AK9: variants seen among roughly 807,000 people sequenced by gnomAD.
The protein encoded by AK9 is adenylate kinase domain containing 1.
In AK9, 191 loss-of-function variants were observed where a neutral mutation model predicts 239.6. That is an observed-to-expected ratio of 0.80 (90% CI 0.71 to 0.90). The LOEUF is 0.90. Among genes scored for constraint, AK9 ranks in the 40% least tolerant of loss-of-function variants. The pLI, the probability that AK9 is intolerant of heterozygous loss-of-function variation, is 0.00. For missense variants in AK9, 1,995 were observed against 2,214.7 expected (o/e 0.90, Z 1.99); for synonymous variants, 689 against 721.0 (o/e 0.96, Z 0.71).
intron 26 of AK9, among the ~76,000 whole-genome samples, 160 bp from the exon 27 acceptor site, chr6:109,542,331 G>A (rs1007020785): frequency 3.9e-5 from 6 of 152,198 alleles, no homozygotes; most frequent in Non-Finnish European, 8.8e-5. Context: ...AGGGATAGAG[G>A]ACATGAAGAG....
At chr6:109,615,221 T>C (rs979656180) in intron 13 of AK9, among the ~76,000 whole-genome samples, 2 of 151,494 alleles carry the variant, frequency 1.3e-5, no homozygotes, top group Admixed American at 6.6e-5. Flanking sequence ...GTCTGCCCCA[T>C]TACCATGTTG....
rs575586762 is a variant in AK9, at chr6:109,675,418, T to C, written c.117+211A>G. ...GATTCCATGTCTTTGCTGTTGTGAG[T>C]AGTGTTGCGATGAGCATATGTGTGC... On this transcript the variant is annotated intron_variant, in intron 2 of 40. Coordinates refer to ENST00000424296, the MANE Select transcript of AK9 (RefSeq NM_001145128.3). Among the ~76,000 whole-genome samples, 8 of 152,244 alleles carry C rather than the reference T, an allele frequency of 5.3e-5. No homozygotes were observed. In the East Asian group the frequency reaches 1.5e-3, roughly 29 times the overall value.
chr6:109,574,695 C>T (rs1351587359), intron 20 of AK9, among the ~76,000 whole-genome samples: 3 of 151,800 alleles, frequency 2.0e-5, no homozygotes, highest in Admixed American at 6.6e-5. Flanking sequence ...TTTTTAACAT[C>T]TGTCTTATCT....
chr6:109,533,442 G>A lies in AK9; in HGVS notation c.3379C>T (p.Pro1127Ser). The change falls in exon 28 of 41, where the codon CCA (proline) becomes TCA (serine). Residue 1127 changes from proline to serine, a missense_variant. By Grantham distance (74) the Pro-to-Ser change is moderately conservative. Around this residue, in one of 5 missense-constraint regions of AK9, gnomAD observed 1,290 missense variants for 1,392.7 expected, o/e 0.93. Transcript: ENST00000424296. ...RSTGFILDGF[P>S]RYPEEAQFLG... Reference sequence around the variant, plus strand: ...AACTGGGCCTCTTCTGGATATCGTGGGAAACCATCTAATATAAAACCTGTG... The same window carrying A: ...AACTGGGCCTCTTCTGGATATCGTGAGAAACCATCTAATATAAAACCTGTG... 1 of 1,602,332 alleles carries A rather than the reference G, an allele frequency of 6.2e-7. No homozygotes were observed. The highest frequency in any genetic ancestry group is 1.3e-5 in the African/African-American group (1 of 74,216).
At chr6:109,656,658 G>C in intron 8 of AK9, 98 bp downstream of exon 8, 1 of 1,335,884 alleles carries the variant, frequency 7.5e-7, no homozygotes. Flanking sequence ...GAATCAGACA[G>C]ATAATAACAC....
At position 109,655,684 on chromosome 6, in the gene AK9, T is replaced by C. The variant is rs537602898; in HGVS notation, c.759+1072A>G. 2.3e-3 allele frequency among the ~76,000 whole-genome samples: 346 copies of C among 152,332 alleles called. 2 individuals carry two copies. Among genetic ancestry groups the C allele is most frequent in the Non-Finnish European group, 2.9e-3 (194 of 68,012 alleles). On this transcript the variant is annotated intron_variant, in intron 8 of 40. Coordinates refer to ENST00000424296, the MANE Select transcript of AK9 (RefSeq NM_001145128.3). ...AACCTGGTGCTTGTTCTTAAAAAGATAACCTCTGCATTTTCCCCCCATAAA... is the reference window on the plus strand; with the variant it reads ...AACCTGGTGCTTGTTCTTAAAAAGACAACCTCTGCATTTTCCCCCCATAAA...
At chr6:109,638,816 G>C (rs765536386) in intron 10 of AK9, among the ~76,000 whole-genome samples, 1 of 151,724 alleles carries the variant, frequency 6.6e-6, no homozygotes, top group Admixed American at 6.6e-5. Flanking sequence ...CCCACCCCAC[G>C]ACAGGCCATG....
chr6:109,518,358 G>A (rs1362033678), intron 29 of AK9, among the ~76,000 whole-genome samples: 2 of 152,132 alleles, frequency 1.3e-5, no homozygotes, highest in East Asian at 3.9e-4. Flanking sequence ...TTTCTATCCT[G>A]ATATTTAATT....
chr6:109,643,624 C>A lies in AK9; in HGVS notation c.834+990G>T, dbSNP rs7755784. ...TCATCTGTACTTTCTGGCTTAAAAC[C>A]TTTCACTGGATGCCTATTCCCTCAT... On this transcript the variant is annotated intron_variant, in intron 9 of 40. Transcript: ENST00000424296. Among the ~76,000 whole-genome samples, 1,300 of 152,302 alleles carry A rather than the reference C, an allele frequency of 8.5e-3. 16 individuals carry two copies. The highest frequency in any genetic ancestry group is 0.051 in the Middle Eastern group (15 of 294).
intron 24 of AK9, among the ~76,000 whole-genome samples, chr6:109,552,193 T>C (rs1222695329): frequency 6.6e-6 from 1 of 152,180 alleles, no homozygotes; most frequent in Non-Finnish European, 1.5e-5. Flanking sequence ...TATGTGTGCT[T>C]GTGTCTATAA....
At chr6:109,646,151 C>G (rs1364428772) in intron 8 of AK9, among the ~76,000 whole-genome samples, 1 of 152,188 alleles carries the variant, frequency 6.6e-6, no homozygotes, top group Non-Finnish European at 1.5e-5. Flanking sequence ...CAGAGCAGAA[C>G]AGCTGAAAAT....
chr6:109,516,322 A>G, intron 30 of AK9, 108 bp downstream of exon 30: 1 of 1,054,612 alleles, frequency 9.5e-7, no homozygotes. Flanking sequence ...ATACAGCCCT[A>G]AAATATACAT....
At chr6:109,673,703 A>G (rs1036093099) in intron 3 of AK9, among the ~76,000 whole-genome samples, 1 of 152,158 alleles carries the variant, frequency 6.6e-6, no homozygotes, top group African/African-American at 2.4e-5. Context: ...ACCCAAACAC[A>G]CATATCCCAA....
Position 109,633,030 on chromosome 6 carries a change from G to T in AK9, c.1147C>A (p.Leu383Met). The T allele has an allele frequency of 6.3e-7, 1 of 1,594,866 alleles. No individual in the cohort carries two copies. Among genetic ancestry groups the T allele is most frequent in the African/African-American group, 1.3e-5 (1 of 74,088 alleles). ...GGTGGTCCTGGCATAGGTGGAAGCA[G>T]ATAGGGACGTGGGTTCAACAAAAAT... is the stretch of plus-strand genomic sequence containing the variant. ...KPFLLNPRPY[L>M]LPPMPGPPCK... is the part of the protein sequence containing the mutation. Residue 383 changes from leucine (L) to methionine (M), a missense_variant, in exon 12 of 41, where the codon CTG becomes ATG. This residue lies in a region of AK9 where 1,290 missense variants were observed against 1,392.7 expected (regional missense o/e 0.93). Transcript: ENST00000424296.
intron 33 of AK9, 84 bp downstream of exon 33, chr6:109,509,095 C>T (rs6912368): frequency 0.69 from 902,451 of 1,303,042 alleles, 317,397 homozygotes; most frequent in East Asian, 1. Flanking sequence ...CTTTAAGCCC[C>T]ATGTAAGTGT....
chr6:109,638,966 G>A (rs1010124004), intron 10 of AK9, among the ~76,000 whole-genome samples: 8 of 152,148 alleles, frequency 5.3e-5, no homozygotes, highest in Non-Finnish European at 8.8e-5. Context: ...CCATGTCCCT[G>A]CAAAGGACAT....
intron 27 of AK9, among the ~76,000 whole-genome samples, chr6:109,535,340 A>G (rs1382692288): frequency 1.3e-5 from 2 of 152,100 alleles, no homozygotes; most frequent in Non-Finnish European, 2.9e-5. Context: ...TTTGATCTGC[A>G]TTTCTCTGAC....
chr6:109,649,043 C>A (rs893642904), intron 8 of AK9, among the ~76,000 whole-genome samples: 2 of 152,218 alleles, frequency 1.3e-5, no homozygotes, highest in Admixed American at 1.3e-4. Flanking sequence ...ATTCAACAAC[C>A]GTTCATGCTA....
intron 24 of AK9, among the ~76,000 whole-genome samples, chr6:109,553,821 T>C (rs1784643941): frequency 6.6e-6 from 1 of 152,198 alleles, no homozygotes; most frequent in Non-Finnish European, 1.5e-5. Context: ...CCATTCAATA[T>C]GATATTCGCT....
Sources: gnomAD v4.1 joint callset for allele counts (sites outside exome capture counted in the v4.1 genomes callset) on GRCh38, gnomAD v4.1.1 for gene constraint, gnomAD v4.1.1 regional missense constraint, MANE v1.5 for transcripts, NCBI Gene and HGNC (gene_info 2026-07-23, HGNC 2026-07-21) for gene names.